ZNF407: variants seen among roughly 807,000 people sequenced by gnomAD.
ZNF407 encodes zinc finger protein 407.
Under a neutral mutation model 131.2 loss-of-function variants are expected in ZNF407, and 17 were observed. The observed-to-expected ratio is 0.13, with a 90% CI of 0.09 to 0.19. The LOEUF (loss-of-function observed/expected upper bound fraction) is 0.19. ZNF407 is among the 10% of genes least tolerant of loss of function. The probability of loss-of-function intolerance (pLI) is 1.00; values close to 1 mark genes in which losing one functional copy is unlikely to be tolerated. For missense variants in ZNF407, 2,681 were observed against 2,830.6 expected (o/e 0.95, Z 1.20); for synonymous variants, 1,156 against 1,062.0 (o/e 1.09, Z -1.72).
intron 8 of ZNF407, among the ~76,000 whole-genome samples, chr18:74,997,368 G>GC (rs1162495838): frequency 1.3e-5 from 2 of 152,180 alleles, no homozygotes; most frequent in Non-Finnish European, 2.9e-5. Context: ...TCTGCAGTTA[G>GC]CACCTGCCTG....
At chr18:74,664,263 G>A (rs1985838324) in intron 3 of ZNF407, among the ~76,000 whole-genome samples, 1 of 152,228 alleles carries the variant, frequency 6.6e-6, no homozygotes, top group Non-Finnish European at 1.5e-5. Flanking sequence ...ACTTCGGGAG[G>A]CCGAGGCGAG....
At chr18:74,601,341 G>GTA (rs1982575644) in intron 1 of ZNF407, among the ~76,000 whole-genome samples, 3 of 151,268 alleles carry the variant, frequency 2.0e-5, no homozygotes, top group African/African-American at 7.3e-5. Context: ...GTGTGTGTGT[G>GTA]TGTGTGTGTG....
intron 8 of ZNF407, among the ~76,000 whole-genome samples, chr18:74,969,886 C>T (rs1395086559): frequency 3.9e-5 from 6 of 152,142 alleles, no homozygotes; most frequent in Non-Finnish European, 8.8e-5. Context: ...TGTTCCACTC[C>T]CTTCCTTCCC....
chr18:74,688,960 C>A lies in ZNF407; in HGVS notation c.4802+47838C>A, dbSNP rs554733860. Among the ~76,000 whole-genome samples the A allele has an allele frequency of 2.6e-3, 397 of 152,242 alleles. 1 individual carries two copies. The highest frequency in any genetic ancestry group is 9.2e-3 in the African/African-American group (384 of 41,558). On this transcript the variant is annotated intron_variant, in intron 3 of 8. Transcript: ENST00000299687. Reference sequence around the variant, plus strand: ...TCTCCTGCCTCAGTCTTCTGAGTAGCTGGAATTACAGGCACCCGCCACCAT... The same window carrying A: ...TCTCCTGCCTCAGTCTTCTGAGTAGATGGAATTACAGGCACCCGCCACCAT...
intron 4 of ZNF407, among the ~76,000 whole-genome samples, chr18:74,812,370 A>T (rs1382817533): frequency 6.6e-6 from 1 of 152,216 alleles, no homozygotes; most frequent in South Asian, 2.1e-4. Flanking sequence ...TTTCACATAT[A>T]CTACCTTCAA....
At chr18:74,624,393 G>T (rs1983698818) in intron 1 of ZNF407, among the ~76,000 whole-genome samples, 1 of 152,118 alleles carries the variant, frequency 6.6e-6, no homozygotes, top group Admixed American at 6.5e-5. Context: ...TTTTACATCA[G>T]CATAAACTTT....
chr18:74,861,655 G>C (rs1015461258), intron 4 of ZNF407, among the ~76,000 whole-genome samples: 1 of 152,114 alleles, frequency 6.6e-6, no homozygotes, highest in East Asian at 1.9e-4. Flanking sequence ...CTACCATATC[G>C]ATAACGATTG....
rs1257865611 is a variant in ZNF407, at chr18:74,652,562, G to C, written c.4802+11440G>C. ...TAAGGCAGTTAGATGTAAAAATCATGAAGGACCAGCAGAGGGCAATATTAT... is the reference window on the plus strand; with the variant it reads ...TAAGGCAGTTAGATGTAAAAATCATCAAGGACCAGCAGAGGGCAATATTAT... On this transcript the variant is annotated intron_variant, in intron 3 of 8. Transcript: ENST00000299687. 2.6e-5 allele frequency among the ~76,000 whole-genome samples: 4 copies of C among 152,000 alleles called. No homozygotes were observed. In the East Asian group the frequency reaches 7.7e-4, roughly 29 times the overall value.
At chr18:74,712,637 A>G (rs1416663774) in intron 3 of ZNF407, among the ~76,000 whole-genome samples, 3 of 152,308 alleles carry the variant, frequency 2.0e-5, no homozygotes, top group East Asian at 1.9e-4. Flanking sequence ...GAGGCTGACA[A>G]TCTAGGCAGG....
chr18:75,019,933 C>CA (rs1973087786), intron 8 of ZNF407, among the ~76,000 whole-genome samples: 1 of 152,064 alleles, frequency 6.6e-6, no homozygotes, highest in South Asian at 2.1e-4. Flanking sequence ...CCCCATGATC[C>CA]AGTCACCTCC....
At chr18:74,828,121 G>C (rs1302649839) in intron 4 of ZNF407, among the ~76,000 whole-genome samples, 1 of 152,026 alleles carries the variant, frequency 6.6e-6, no homozygotes, top group Non-Finnish European at 1.5e-5. Flanking sequence ...CTTCCTTCGC[G>C]GCCTGTTCAG....
At chr18:74,757,492 T>G (rs540697311) in intron 3 of ZNF407, among the ~76,000 whole-genome samples, 2 of 152,242 alleles carry the variant, frequency 1.3e-5, no homozygotes, top group South Asian at 4.1e-4. Context: ...AATTTTATTG[T>G]ATATGACTAA....
At chr18:75,015,053 T>G (rs1458633269) in intron 8 of ZNF407, among the ~76,000 whole-genome samples, 3 of 152,136 alleles carry the variant, frequency 2.0e-5, no homozygotes, top group Non-Finnish European at 4.4e-5. Flanking sequence ...CATATTCGTA[T>G]AGCCAGCTAA....
intron 8 of ZNF407, among the ~76,000 whole-genome samples, chr18:75,016,375 T>C (rs1232922268): frequency 6.6e-6 from 1 of 152,156 alleles, no homozygotes; most frequent in Non-Finnish European, 1.5e-5. Context: ...TAAAACACTA[T>C]GTAGTTTCAA....
At chr18:74,871,053 G>A (rs1039780721) in intron 4 of ZNF407, among the ~76,000 whole-genome samples, 17 of 152,178 alleles carry the variant, frequency 1.1e-4, no homozygotes, top group Admixed American at 2.0e-4. Flanking sequence ...TGAATTTGTT[G>A]CTGTGGCAGG....
chr18:74,778,044 A>T (rs1969510761), intron 3 of ZNF407, among the ~76,000 whole-genome samples: 1 of 151,214 alleles, frequency 6.6e-6, no homozygotes, highest in Non-Finnish European at 1.5e-5. Context: ...TAAAAAAAAT[A>T]AAAACAAAAG....
chr18:74,616,198 C>T (rs923372946), intron 1 of ZNF407, among the ~76,000 whole-genome samples: 1 of 152,160 alleles, frequency 6.6e-6, no homozygotes, highest in Non-Finnish European at 1.5e-5. Flanking sequence ...GTATCTGTCA[C>T]CCAGGACTCT....
At chr18:74,862,585 G>A (rs754047028) in intron 4 of ZNF407, among the ~76,000 whole-genome samples, 1 of 152,226 alleles carries the variant, frequency 6.6e-6, no homozygotes, top group South Asian at 2.1e-4. Context: ...GTACTGTATC[G>A]AAGTTATTTA....
At chr18:74,941,478 G>A (rs181788721) in intron 8 of ZNF407, among the ~76,000 whole-genome samples, 6 of 152,092 alleles carry the variant, frequency 3.9e-5, no homozygotes, top group Admixed American at 3.9e-4. Context: ...ATTAATTGAG[G>A]GATCATGATA....
Sources: gnomAD v4.1 joint callset for allele counts (sites outside exome capture counted in the v4.1 genomes callset) on GRCh38, gnomAD v4.1.1 for gene constraint, MANE v1.5 for transcripts, NCBI Gene and HGNC (gene_info 2026-07-23, HGNC 2026-07-21) for gene names.